Variants in IGF2R observed in about 807,000 individuals in gnomAD.
IGF2R encodes cation-independent mannose-6-phosphate receptor.
Under a neutral mutation model 270.6 loss-of-function variants are expected in IGF2R, and 91 were observed. The observed-to-expected ratio is 0.34, with a 90% CI of 0.28 to 0.40. The LOEUF is 0.40. IGF2R is among the 10% of genes least tolerant of loss of function. The pLI, the probability that IGF2R is intolerant of heterozygous loss-of-function variation, is 1.00. For synonymous variants in IGF2R, 1,316 were observed against 1,258.9 expected, an observed-to-expected ratio of 1.05 and a Z score of -0.96; for missense variants, 2,805 against 3,188.3, an observed-to-expected ratio of 0.88 and a Z score of 2.90.
intron 29 of IGF2R, among the ~76,000 whole-genome samples, chr6:160,066,011 TG>T (rs1464401310): frequency 1.5e-4 from 22 of 143,078 alleles, no homozygotes; most frequent in Middle Eastern, 3.5e-3. Flanking sequence ...ATTTTTGTGG[TG>T]TTTTTTTTTT....
intron 29 of IGF2R, among the ~76,000 whole-genome samples, 163 bp from the exon 30 acceptor site, chr6:160,068,086 G>T (rs1466495950): frequency 6.6e-6 from 1 of 151,794 alleles, no homozygotes; most frequent in Non-Finnish European, 1.5e-5. Flanking sequence ...GTGTGTGTGT[G>T]TGTGTGTGTG....
In IGF2R at chr6:160,043,078, C is replaced by T. The variant is rs56804739; in HGVS notation, c.1481-70C>T. 8.9e-4 allele frequency: 1,360 copies of T among 1,534,694 alleles called. 8 individuals are homozygous for T. The African/African-American group carries it at 0.014, about 16-fold the overall frequency. ...TTGAGCCCTTGACTTTTGGCTTAAT[C>T]ACTATTTATTCTGTGACTCAGAGAA... On this transcript the variant is annotated intron_variant, in intron 11 of 47. Coordinates refer to ENST00000356956, the MANE Select transcript of IGF2R (RefSeq NM_000876.4).
At chr6:159,972,578 T>G (rs1277962776) in intron 1 of IGF2R, among the ~76,000 whole-genome samples, 1 of 152,204 alleles carries the variant, frequency 6.6e-6, no homozygotes, top group Non-Finnish European at 1.5e-5. Flanking sequence ...GAGAATATTT[T>G]TCATCTGCAG....
At chr6:159,980,892 C>T (rs897168927) in intron 1 of IGF2R, among the ~76,000 whole-genome samples, 5 of 152,202 alleles carry the variant, frequency 3.3e-5, no homozygotes, top group Non-Finnish European at 5.9e-5. Flanking sequence ...TACAACTCTT[C>T]TTTATACATG....
rs778725774 is a variant in IGF2R, at chr6:160,043,264, G to C, written c.1597G>C (p.Glu533Gln). ...LQEGKARGCP[E>Q]DAAVCAVDKN... is the part of the protein sequence containing the mutation. ...GGAAGGCAAGGCACGAGGGTGTCCC[G>C]AGGACGCGGCAGTGTGTGCAGTGGG... Residue 533 changes from glutamate to glutamine, a missense_variant, in exon 12 of 48, where the codon GAG becomes CAG. Glu to Gln is a conservative substitution (Grantham distance 29, BLOSUM62 2). Transcript: ENST00000356956. 3.1e-6 allele frequency: 5 copies of C among 1,614,052 alleles called. No individual in the cohort carries two copies. The Admixed American group carries it at 6.7e-5, about 22-fold the overall frequency.
chr6:160,081,289 C>T (rs923722230), intron 39 of IGF2R, among the ~76,000 whole-genome samples: 2 of 151,834 alleles, frequency 1.3e-5, no homozygotes, highest in South Asian at 2.1e-4. Flanking sequence ...AGCTGGTGTC[C>T]GGGGGAGACA....
chr6:160,040,511 C>T (rs934817969), intron 10 of IGF2R, 49 bp from the exon 11 acceptor site: 59 of 1,540,658 alleles, frequency 3.8e-5, no homozygotes, highest in Non-Finnish European at 5.3e-5. Flanking sequence ...AGCTGTTCCT[C>T]AATTTTGGTC....
At chr6:160,033,454 TTGTG>T (rs1777745493) in intron 9 of IGF2R, among the ~76,000 whole-genome samples, 1 of 152,244 alleles carries the variant, frequency 6.6e-6, no homozygotes, top group African/African-American at 2.4e-5. Flanking sequence ...TTCAAGTGCG[TTGTG>T]TGTATTCTTG....
rs370843412 is a variant in IGF2R at position 160,048,500 on chromosome 6, A to G, written c.2471A>G (p.Asn824Ser). The G allele has an allele frequency of 1.1e-5, 18 of 1,614,168 alleles. No individual in the cohort carries two copies. The East Asian group carries it at 2.0e-4, about 18-fold the overall frequency. Residue 824 changes from asparagine (N) to serine (S), a missense_variant, in exon 18 of 48, where the codon AAC becomes AGC. Transcript: ENST00000356956. ...CCTCTGAATCCAGTGCCGGGCTGCA[A>G]CCGATATGCATCGGCTTGCCAGATG... ...CRPLNPVPGC[N>S]RYASACQMKY...
At chr6:160,000,735 T>TTTTTTTTTGTTG (rs954891818) in intron 2 of IGF2R, among the ~76,000 whole-genome samples, 5 of 138,534 alleles carry the variant, frequency 3.6e-5, no homozygotes, top group African/African-American at 1.4e-4. Flanking sequence ...GTTGTTTTTT[T>TTTTTTTTTGTTG]TTTTTTTTTT....
At chr6:159,992,240 T>G (rs1459807591) in intron 2 of IGF2R, among the ~76,000 whole-genome samples, 1 of 152,190 alleles carries the variant, frequency 6.6e-6, no homozygotes, top group African/African-American at 2.4e-5. Flanking sequence ...ATTTTAATAT[T>G]TTTATAGATT....
chr6:160,028,272 A>G (rs1403552799), intron 6 of IGF2R, among the ~76,000 whole-genome samples: 1 of 152,120 alleles, frequency 6.6e-6, no homozygotes, highest in Non-Finnish European at 1.5e-5. Context: ...CTGTGTCCGA[A>G]TCTCCTCTTC....
intron 7 of IGF2R, among the ~76,000 whole-genome samples, chr6:160,031,833 G>A (rs1340695311): frequency 2.0e-5 from 3 of 152,224 alleles, no homozygotes; most frequent in Non-Finnish European, 4.4e-5. Flanking sequence ...CCGGTGCTAA[G>A]CCCAGTAAGT....
At chr6:159,981,196 A>C (rs1783793985) in intron 1 of IGF2R, among the ~76,000 whole-genome samples, 1 of 152,216 alleles carries the variant, frequency 6.6e-6, no homozygotes, top group Non-Finnish European at 1.5e-5. Flanking sequence ...CAGGGCGGGC[A>C]GGCCAGAGTG....
chr6:160,102,732 G>T lies in IGF2R; in HGVS notation c.6995+61G>T. The T allele has an allele frequency of 6.6e-7, 1 of 1,512,486 alleles. No homozygotes were observed. Among genetic ancestry groups the T allele is most frequent in the East Asian group, 2.5e-5 (1 of 40,474 alleles). The allele number at this position is 1,512,486 out of a possible 1,614,324, so 93.7% of individuals were successfully genotyped here. ...TGCATGCCTCCCATAGCTAATCTTGGGGTCAGTTTTGTGGGGTTTTATTTA... is the reference window on the plus strand; with the variant it reads ...TGCATGCCTCCCATAGCTAATCTTGTGGTCAGTTTTGTGGGGTTTTATTTA... On this transcript the variant is annotated intron_variant, in intron 46 of 47. Transcript: ENST00000356956. This position sits in a 1 kb window ranked among gnomAD's most constrained non-coding sequence, Gnocchi z 4.5.
intron 19 of IGF2R, among the ~76,000 whole-genome samples, chr6:160,053,611 G>A (rs1339683644): frequency 1.3e-5 from 2 of 151,794 alleles, no homozygotes; most frequent in Non-Finnish European, 2.9e-5. Flanking sequence ...TTTTTAATTG[G>A]GGTAAAATAT....
intron 10 of IGF2R, 133 bp downstream of exon 10, chr6:160,034,655 T>G: frequency 1.8e-6 from 1 of 556,484 alleles, no homozygotes; most frequent in Non-Finnish European, 3.2e-6. Flanking sequence ...TGGCCAGCTC[T>G]AGCCCCCAGA....
chr6:160,057,952 G>A, intron 20 of IGF2R, 71 bp from the exon 21 acceptor site: 1 of 861,664 alleles, frequency 1.2e-6, no homozygotes, highest in South Asian at 1.4e-5. Flanking sequence ...TTCTGGAGGT[G>A]CTGTATGTAT....
At chr6:160,079,123 C>T (rs1425352100) in intron 37 of IGF2R, among the ~76,000 whole-genome samples, 1 of 152,190 alleles carries the variant, frequency 6.6e-6, no homozygotes. Context: ...ACAGGTCCTC[C>T]CGACAGGTGT....
Sources: gnomAD v4.1 joint callset for allele counts (sites outside exome capture counted in the v4.1 genomes callset) on GRCh38, gnomAD v4.1.1 for gene constraint, Gnocchi (gnomAD v3.1) non-coding constraint, MANE v1.5 for transcripts, NCBI Gene and HGNC (gene_info 2026-07-23, HGNC 2026-07-21) for gene names.